The following TNR variants were observed in gnomAD, a reference collection of about 807,000 sequenced individuals.
TNR encodes tenascin R.
In TNR, 45 loss-of-function variants were observed where a neutral mutation model predicts 150.4. The observed-to-expected ratio is 0.30, with a 90% confidence interval of 0.24 to 0.38. The LOEUF (loss-of-function observed/expected upper bound fraction) is 0.38. Ranked by LOEUF, TNR falls within the 10% of genes least tolerant of loss-of-function variation. The probability of loss-of-function intolerance (pLI) is 1.00; values close to 1 mark genes in which losing one functional copy is unlikely to be tolerated. For missense variants in TNR, 1,544 were observed against 1,759.1 expected (o/e 0.88, Z 2.19); for synonymous variants, 687 against 678.4 (o/e 1.01, Z -0.20).
intron 1 of TNR, among the ~76,000 whole-genome samples, chr1:175,547,597 G>C (rs766298324): frequency 1.6e-4 from 4 of 24,316 alleles, no homozygotes; most frequent in Admixed American, 7.7e-4. Context: ...AAGAAAGAAA[G>C]AAAGAAAGAA....
At chr1:175,537,003 T>C (rs1660317227) in intron 1 of TNR, among the ~76,000 whole-genome samples, 1 of 151,738 alleles carries the variant, frequency 6.6e-6, no homozygotes, top group Non-Finnish European at 1.5e-5. Flanking sequence ...CATTCCCACT[T>C]TTTTGCCCAC....
intron 2 of TNR, among the ~76,000 whole-genome samples, chr1:175,478,761 C>A (rs1279427130): frequency 6.6e-6 from 1 of 152,184 alleles, no homozygotes; most frequent in Non-Finnish European, 1.5e-5. Flanking sequence ...GATAATGTGG[C>A]TGCCTCCCTG....
rs859427 is a variant in TNR, at chr1:175,379,587, C to T, written c.1928G>A (p.Arg643Lys). Residue 643 changes from arginine to lysine, a missense_variant, in exon 9 of 23, where the codon AGG becomes AAG. Around this residue, in one of 2 missense-constraint regions of TNR, gnomAD observed 1,254 missense variants for 1,329.4 expected, o/e 0.94. Coordinates refer to ENST00000367674, the MANE Select transcript of TNR (RefSeq NM_003285.3). ...GGCCCTGGTGGTTGGACCAATGCCC[C>T]TGGGGACCAGTACCTCATGATATTG... Reference protein sequence around the residue: ...GEQYHEVLVPRGIGPTTRATL... With the variant: ...GEQYHEVLVPKGIGPTTRATL... 0.66 allele frequency: 1,065,335 copies of T among 1,613,402 alleles called. 353,095 individuals are homozygous for T. Among genetic ancestry groups the T allele is most frequent in the East Asian group, 0.8 (36,029 of 44,850 alleles).
rs567803055 is a variant in TNR, at chr1:175,647,086, A to G, written c.-165+96140T>C. Among the ~76,000 whole-genome samples the G allele has an allele frequency of 2.3e-3, 355 of 152,328 alleles. 1 individual carries two copies. Among genetic ancestry groups the G allele is most frequent in the African/African-American group, 8.0e-3 (334 of 41,578 alleles). ...GGAGAGCACCACAGACAAGCTTCACACCATTCACACAATTTTGCCCCAGGC... is the reference window on the plus strand; with the variant it reads ...GGAGAGCACCACAGACAAGCTTCACGCCATTCACACAATTTTGCCCCAGGC... On this transcript the variant is annotated intron_variant, in intron 1 of 22. Coordinates refer to ENST00000367674, the MANE Select transcript of TNR (RefSeq NM_003285.3).
intron 20 of TNR, 102 bp downstream of exon 20, chr1:175,335,609 A>G: frequency 1.7e-6 from 2 of 1,188,868 alleles, no homozygotes; most frequent in South Asian, 1.4e-5. Flanking sequence ...TAGCTTCTCA[A>G]CAAACACAGG....
chr1:175,426,575 T>C (rs75150648), intron 2 of TNR, among the ~76,000 whole-genome samples: 1,583 of 152,090 alleles, frequency 0.01, 25 homozygotes, highest in African/African-American at 0.036. Context: ...ATACAAATCA[T>C]AGCCTTTGTT....
intron 1 of TNR, among the ~76,000 whole-genome samples, chr1:175,705,128 T>C (rs557009366): frequency 6.6e-6 from 1 of 152,092 alleles, no homozygotes; most frequent in South Asian, 2.1e-4. Context: ...TGCCTGCAGA[T>C]ATGACAACTT....
At chr1:175,506,829 A>G (rs1349075160) in intron 2 of TNR, among the ~76,000 whole-genome samples, 1 of 152,236 alleles carries the variant, frequency 6.6e-6, no homozygotes, top group Non-Finnish European at 1.5e-5. Flanking sequence ...CTTATTTGGG[A>G]CAGATATTCT....
At chr1:175,558,446 C>G (rs1282763272) in intron 1 of TNR, among the ~76,000 whole-genome samples, 2 of 152,142 alleles carry the variant, frequency 1.3e-5, no homozygotes, top group Non-Finnish European at 2.9e-5. Flanking sequence ...ATTATCTACA[C>G]TATAAATATG....
chr1:175,576,922 G>A (rs2102224822), intron 1 of TNR, among the ~76,000 whole-genome samples: 1 of 152,282 alleles, frequency 6.6e-6, no homozygotes, highest in East Asian at 1.9e-4. Context: ...TGAGATGCAT[G>A]TGTTTTCCCA....
chr1:175,347,308 T>A (rs1313443148), intron 18 of TNR, among the ~76,000 whole-genome samples: 2 of 152,212 alleles, frequency 1.3e-5, no homozygotes, highest in East Asian at 3.8e-4. Flanking sequence ...TATACCTTGA[T>A]AAATGTTTTA....
chr1:175,640,788 T>TGGGTATATATATATATATATATGA, intron 1 of TNR, among the ~76,000 whole-genome samples: 1 of 147,326 alleles, frequency 6.8e-6, no homozygotes, highest in East Asian at 2.0e-4. Flanking sequence ...TGTGTGTGTG[T>TGGGTATATATATATATATATATGA]GGGTATATAT....
At chr1:175,524,645 T>G (rs1246896955) in intron 2 of TNR, among the ~76,000 whole-genome samples, 1 of 152,152 alleles carries the variant, frequency 6.6e-6, no homozygotes, top group Non-Finnish European at 1.5e-5. Context: ...GCAGGATGAT[T>G]GCACAGAAGC....
intron 1 of TNR, among the ~76,000 whole-genome samples, chr1:175,580,047 C>A (rs999264524): frequency 4.6e-5 from 7 of 152,028 alleles, no homozygotes; most frequent in Non-Finnish European, 1.0e-4. Flanking sequence ...CAGAGTCGAC[C>A]CCAAGAAGCC....
rs7540363 is a variant in TNR at position 175,391,551 on chromosome 1, G to A, written c.1357-113C>T. On this transcript the variant is annotated intron_variant, in intron 6 of 22. Coordinates refer to ENST00000367674, the MANE Select transcript of TNR (RefSeq NM_003285.3). ...ATTGTGGATTGTGAATTTAAAATGG[G>A]GGCGATGTCTCTTTCCTCCATGCTG... is the stretch of plus-strand genomic sequence containing the variant. 3.0e-4 allele frequency: 376 copies of A among 1,246,370 alleles called. No homozygotes were observed. In the African/African-American group the frequency reaches 5.1e-3, roughly 17 times the overall value. 77.2% of individuals were successfully genotyped at this position (1,246,370 alleles called of 1,614,324 possible).
intron 2 of TNR, among the ~76,000 whole-genome samples, chr1:175,476,852 C>A (rs1657564456): frequency 6.6e-6 from 1 of 152,178 alleles, no homozygotes; most frequent in Admixed American, 6.5e-5. Context: ...GTGAGGGCAG[C>A]AAACTCATAA....
chr1:175,479,632 C>T (rs538020616), intron 2 of TNR, among the ~76,000 whole-genome samples: 50 of 152,220 alleles, frequency 3.3e-4, no homozygotes, highest in African/African-American at 9.4e-4. Context: ...ATATTCAGAT[C>T]GGCCCCACGT....
At chr1:175,726,298 A>C (rs1667475945) in intron 1 of TNR, among the ~76,000 whole-genome samples, 1 of 152,234 alleles carries the variant, frequency 6.6e-6, no homozygotes, top group Admixed American at 6.5e-5. Flanking sequence ...GCTATAGAAG[A>C]CCAGGAAATG....
chr1:175,676,806 C>T (rs368339559), intron 1 of TNR, among the ~76,000 whole-genome samples: 28 of 152,308 alleles, frequency 1.8e-4, no homozygotes, highest in African/African-American at 6.0e-4. Flanking sequence ...CAAAGAACCA[C>T]GGGACTCTCC....
Sources: allele counts gnomAD v4.1 joint callset (sites outside exome capture counted in the v4.1 genomes callset), GRCh38; gene constraint gnomAD v4.1.1; regional missense constraint gnomAD v4.1.1; transcripts MANE v1.5; gene names NCBI Gene and HGNC (gene_info 2026-07-23, HGNC 2026-07-21).